Variants in MGAM observed in about 807,000 individuals in gnomAD.
MGAM encodes the protein alpha-1,4-glucosidase.
In MGAM, 253 loss-of-function variants were observed where a neutral mutation model predicts 358.8. The observed-to-expected ratio is 0.71, with a 90% CI of 0.64 to 0.78. The LOEUF (loss-of-function observed/expected upper bound fraction) is 0.78, where lower values mean the gene tolerates loss of function less well. MGAM is among the 30% of genes least tolerant of loss of function. MGAM has a pLI of 0.00. For synonymous variants in MGAM, 1,105 were observed against 1,227.1 expected, an observed-to-expected ratio of 0.90 and a Z score of 2.08; for missense variants, 3,080 against 3,432.6, an observed-to-expected ratio of 0.90 and a Z score of 2.57.
Position 142,065,422 on chromosome 7 carries a change from G to A in MGAM, c.4572G>A (p.Leu1524=). Residue 1524 remains leucine (L), a synonymous_variant, in exon 38 of 71, where the codon CTG becomes CTA. Transcript: ENST00000475668. ...CTGGCCGCTGGGCAGGACATTGGCTGGGAGACAACACGGCCGCATGGGATC... is the reference window on the plus strand; with the variant it reads ...CTGGCCGCTGGGCAGGACATTGGCTAGGAGACAACACGGCCGCATGGGATC... ...PSSGRWAGHW[L]GDNTAAWDQL... is the part of the protein sequence containing the mutation. 1.2e-6 allele frequency: 2 copies of A among 1,610,072 alleles called. No homozygotes were observed. Among genetic ancestry groups the A allele is most frequent in the Non-Finnish European group, 1.7e-6 (2 of 1,178,134 alleles).
chr7:142,020,658 G>T (rs1297639313), intron 4 of MGAM, among the ~76,000 whole-genome samples: 1 of 145,000 alleles, frequency 6.9e-6, no homozygotes, highest in Non-Finnish European at 1.5e-5. Context: ...CTGGAGCTGT[G>T]GTGCGATCTC....
chr7:142,018,723 A>G (rs1806165313), intron 3 of MGAM, among the ~76,000 whole-genome samples: 1 of 152,212 alleles, frequency 6.6e-6, no homozygotes, highest in Admixed American at 6.5e-5. Context: ...AACATGTCAT[A>G]TATCTCACAT....
At chr7:142,050,119 GA>G in intron 22 of MGAM, 115 bp from the exon 23 acceptor site, 4 of 918,904 alleles carry the variant, frequency 4.4e-6, no homozygotes. Context: ...CATCCATAAG[GA>G]AAAGGAAAAC....
At chr7:141,996,533 G>A (rs1246426675) in intron 1 of MGAM, among the ~76,000 whole-genome samples, 2 of 152,064 alleles carry the variant, frequency 1.3e-5, no homozygotes, top group Non-Finnish European at 2.9e-5. Flanking sequence ...TTAATACTTA[G>A]GTTGAGGTAG....
intron 57 of MGAM, among the ~76,000 whole-genome samples, chr7:142,090,895 G>A (rs75120246): frequency 0.014 from 2,009 of 146,338 alleles, 104 homozygotes; most frequent in African/African-American, 0.045. Context: ...AAATATAAAT[G>A]TCACTCAGAT....
chr7:142,039,036 T>G (rs965555535), intron 19 of MGAM, among the ~76,000 whole-genome samples: 1 of 149,316 alleles, frequency 6.7e-6, no homozygotes, highest in Non-Finnish European at 1.5e-5. Flanking sequence ...TGGAGGAAGG[T>G]GAAGAGGAGC....
At chr7:142,030,818 CTGTGTGTG>C in intron 12 of MGAM, 61 bp downstream of exon 12, 2 of 784,296 alleles carry the variant, frequency 2.6e-6, no homozygotes, top group Non-Finnish European at 4.3e-6. Context: ...TTGAATGTGT[CTGTGTGTG>C]TGTGTGTGTG....
chr7:142,088,994 A>C (rs1306226925), intron 57 of MGAM, among the ~76,000 whole-genome samples: 1 of 103,376 alleles, frequency 9.7e-6, no homozygotes, highest in Middle Eastern at 5.2e-3. Flanking sequence ...GTATGTATGT[A>C]TGTATCTATC....
At chr7:142,003,094 C>T (rs1554451196) in intron 1 of MGAM, among the ~76,000 whole-genome samples, 1 of 151,968 alleles carries the variant, frequency 6.6e-6, no homozygotes, top group East Asian at 1.9e-4. Flanking sequence ...GGAAAACATC[C>T]CATGTTCAAG....
chr7:142,101,781 G>A (rs888264278), intron 68 of MGAM, among the ~76,000 whole-genome samples: 1 of 151,922 alleles, frequency 6.6e-6, no homozygotes. Flanking sequence ...GGTGGCACAT[G>A]CCTGTAATCC....
In MGAM at chr7:142,060,348, C is replaced by A; in HGVS notation, c.4097C>A (p.Ser1366Tyr). The part of the protein sequence containing the change: ...PDFPDVVVNG[S>Y]LDWDSQVELY... Reference sequence around the variant, plus strand: ...TTTCCTGATGTTGTTGTGAATGGGTCTCTAGACTGGGACAGCCAAGTGGAG... The same window carrying A: ...TTTCCTGATGTTGTTGTGAATGGGTATCTAGACTGGGACAGCCAAGTGGAG... The change falls in exon 34 of 71, where the codon TCT (serine) becomes TAT (tyrosine). Residue 1366 changes from serine to tyrosine, a missense_variant. This residue lies in a region of MGAM where 1,816 missense variants were observed against 1,840.5 expected (regional missense o/e 0.99). Coordinates refer to ENST00000475668, the MANE Select transcript of MGAM (RefSeq NM_001365693.1). 6.2e-7 allele frequency: 1 copy of A among 1,614,068 alleles called. No individual in the cohort carries two copies. The highest frequency in any genetic ancestry group is 1.1e-5 in the South Asian group (1 of 91,078).
intron 67 of MGAM, among the ~76,000 whole-genome samples, chr7:142,100,573 C>T (rs1816352541): frequency 6.6e-6 from 1 of 152,168 alleles, no homozygotes; most frequent in East Asian, 1.9e-4. Flanking sequence ...TTTTAAGAGC[C>T]TTAAAGCAGA....
intron 64 of MGAM, 154 bp downstream of exon 64, chr7:142,095,867 T>A: frequency 8.7e-7 from 1 of 1,155,888 alleles, no homozygotes; most frequent in Non-Finnish European, 1.2e-6. Context: ...AGCACAGTGC[T>A]ATACATGCCT....
chr7:142,060,439 T>C, intron 34 of MGAM, 66 bp downstream of exon 34: 1 of 1,556,506 alleles, frequency 6.4e-7, no homozygotes, highest in East Asian at 2.2e-5. Context: ...GTTCCTGGGA[T>C]TGTGGACATG....
chr7:142,074,566 T>A (rs4374899), intron 45 of MGAM, among the ~76,000 whole-genome samples: 14,056 of 146,178 alleles, frequency 0.096, 2,095 homozygotes, highest in African/African-American at 0.23. Context: ...TATACTGTTC[T>A]AGTGTGTACT....
chr7:142,089,827 C>T (rs1815199073), intron 57 of MGAM, among the ~76,000 whole-genome samples: 1 of 145,682 alleles, frequency 6.9e-6, no homozygotes, highest in African/African-American at 2.4e-5. Flanking sequence ...AAAGTAATGA[C>T]AAAAACTTCA....
In MGAM at chr7:142,027,719, C is replaced by T; in HGVS notation, c.1205C>T (p.Ala402Val). ...NMREVVERNR[A>V]AQLPYDVQHA... ...AGGGAAGTCGTGGAGAGAAATCGCG[C>T]AGCACAGCTCCCTTATGTAAGCAAG... Residue 402 changes from alanine (A) to valine (V), a missense_variant, in exon 10 of 71, where the codon GCA (alanine) becomes GTA (valine). Around this residue, in one of 5 missense-constraint regions of MGAM, gnomAD observed 1,816 missense variants for 1,840.5 expected, o/e 0.99. Coordinates refer to ENST00000475668, the MANE Select transcript of MGAM (RefSeq NM_001365693.1). 1.2e-6 allele frequency: 2 copies of T among 1,610,576 alleles called. No individual in the cohort carries two copies. The highest frequency in any genetic ancestry group is 2.2e-5 in the South Asian group (2 of 90,374).
At chr7:142,018,923 T>G (rs1806181777) in intron 3 of MGAM, among the ~76,000 whole-genome samples, 1 of 151,266 alleles carries the variant, frequency 6.6e-6, no homozygotes, top group Non-Finnish European at 1.5e-5. Context: ...TTTAGACTAT[T>G]TAAATATATT....
At chr7:142,015,355 C>G (rs967939154) in intron 3 of MGAM, among the ~76,000 whole-genome samples, 5 of 151,956 alleles carry the variant, frequency 3.3e-5, no homozygotes, top group African/African-American at 1.2e-4. Context: ...TCTTGATGAA[C>G]AAAAGTTTTA....
Sources: gnomAD v4.1 joint callset for allele counts (sites outside exome capture counted in the v4.1 genomes callset) on GRCh38, gnomAD v4.1.1 for gene constraint, gnomAD v4.1.1 regional missense constraint, MANE v1.5 for transcripts, NCBI Gene and HGNC (gene_info 2026-07-23, HGNC 2026-07-21) for gene names.